The following CSMD1 variants were observed in gnomAD, a reference collection of about 807,000 sequenced individuals.
The protein encoded by CSMD1 is CUB and sushi domain-containing protein 1.
A neutral mutation model predicts 417.5 loss-of-function variants in CSMD1; 213 were observed. The ratio of observed to expected loss-of-function variants is 0.51; its 90% CI spans 0.46 to 0.57. CSMD1 has a LOEUF of 0.57. CSMD1 is among the 20% of genes least tolerant of loss of function. The pLI is 0.00. For synonymous variants in CSMD1, 2,862 were observed against 1,736.8 expected (o/e 1.65, Z -16.11); for missense variants, 6,923 against 4,529.7 (o/e 1.53, Z -15.17).
chr8:4,226,907 G>A (rs1168650277), intron 3 of CSMD1, among the ~76,000 whole-genome samples: 1 of 152,142 alleles, frequency 6.6e-6, no homozygotes, highest in Non-Finnish European at 1.5e-5. Flanking sequence ...AGGATTTTTT[G>A]TTGTTGTTGT....
At position 4,023,169 on chromosome 8, in the gene CSMD1, C is replaced by T. The variant is rs372804062; in HGVS notation, c.610+8736G>A. Among the ~76,000 whole-genome samples, 16 of 152,268 alleles carry T rather than the reference C, an allele frequency of 1.1e-4. 1 individual carries two copies. The East Asian group carries it at 1.9e-3, about 18-fold the overall frequency. On this transcript the variant is annotated intron_variant, in intron 4 of 69. Coordinates refer to ENST00000635120, the MANE Select transcript of CSMD1 (RefSeq NM_033225.6). ...CTGCCCATCACAACTCAAGTTCTTCCTTTTCACCCAGTGCAATGTTGCAGG... is the reference window on the plus strand; with the variant it reads ...CTGCCCATCACAACTCAAGTTCTTCTTTTTCACCCAGTGCAATGTTGCAGG...
intron 51 of CSMD1, among the ~76,000 whole-genome samples, chr8:3,020,588 T>C (rs1809283327): frequency 6.6e-6 from 1 of 152,178 alleles, no homozygotes; most frequent in South Asian, 2.1e-4. Context: ...TGTCCAGGCT[T>C]GTCTGGAACT....
At chr8:3,430,420 C>A (rs771846907) in intron 12 of CSMD1, among the ~76,000 whole-genome samples, 18 of 151,946 alleles carry the variant, frequency 1.2e-4, no homozygotes, top group Non-Finnish European at 2.2e-4. Flanking sequence ...TAATGCTGAA[C>A]AAATTGTCTG....
chr8:3,513,428 G>C (rs911877225), intron 10 of CSMD1, among the ~76,000 whole-genome samples: 1 of 151,346 alleles, frequency 6.6e-6, no homozygotes, highest in Non-Finnish European at 1.5e-5. Flanking sequence ...CCAGGATCAA[G>C]CATTCTCCCG....
intron 3 of CSMD1, among the ~76,000 whole-genome samples, chr8:4,118,520 T>C (rs1450497171): frequency 1.3e-5 from 2 of 151,352 alleles, no homozygotes; most frequent in African/African-American, 4.9e-5. Context: ...ACTAGAGAAA[T>C]GCAAACCAAA....
intron 1 of CSMD1, among the ~76,000 whole-genome samples, chr8:4,907,911 T>C (rs118072753): frequency 0.018 from 2,796 of 152,254 alleles, 44 homozygotes; most frequent in Middle Eastern, 0.027. Flanking sequence ...AAAATTGTGT[T>C]TCTTTTTGTG....
intron 2 of CSMD1, among the ~76,000 whole-genome samples, chr8:4,441,940 T>C (rs1352733297): frequency 2.0e-5 from 3 of 152,196 alleles, no homozygotes; most frequent in African/African-American, 4.8e-5. Context: ...TACATAACCA[T>C]TGTACTGAGA....
At chr8:3,420,444 G>GA (rs1813414885) in intron 12 of CSMD1, among the ~76,000 whole-genome samples, 1 of 150,922 alleles carries the variant, frequency 6.6e-6, no homozygotes, top group Admixed American at 6.7e-5. Context: ...AAAAGCCATG[G>GA]AAATCTGAAT....
chr8:3,461,522 C>T (rs1249585841), intron 12 of CSMD1, among the ~76,000 whole-genome samples: 6 of 152,164 alleles, frequency 3.9e-5, no homozygotes, highest in African/African-American at 7.2e-5. Context: ...CTCTGCTCCC[C>T]GATCTCTCAA....
At position 3,709,479 on chromosome 8, in the gene CSMD1, G is replaced by C. The variant is rs74839656; in HGVS notation, c.932-988C>G. On this transcript the variant is annotated intron_variant, in intron 6 of 69. Coordinates refer to ENST00000635120, the MANE Select transcript of CSMD1 (RefSeq NM_033225.6). ...CACAAGGTGCTCAGACATTGGGCCA[G>C]AGGAGATTCTGGGGGTGTCTGTGAG... 3.8e-3 allele frequency among the ~76,000 whole-genome samples: 582 copies of C among 152,140 alleles called. 7 individuals are homozygous for C. Among genetic ancestry groups the C allele is most frequent in the African/African-American group, 0.013 (545 of 41,524 alleles).
intron 8 of CSMD1, among the ~76,000 whole-genome samples, chr8:3,589,584 T>C (rs1337846935): frequency 1.3e-5 from 2 of 151,886 alleles, no homozygotes; most frequent in African/African-American, 4.8e-5. Context: ...AAAATAGAAC[T>C]CCCAGTAGCA....
intron 1 of CSMD1, among the ~76,000 whole-genome samples, chr8:4,723,212 C>T (rs1256815217): frequency 1.3e-5 from 2 of 152,088 alleles, no homozygotes; most frequent in African/African-American, 2.4e-5. Flanking sequence ...TAGAGTATAA[C>T]GTAGACGGCT....
In CSMD1 at chr8:4,137,779, C is replaced by A. The variant is rs1056850570; in HGVS notation, c.416-105680G>T. Reference sequence around the variant, plus strand: ...CTTTCCTAAATTTCTCAAGGAAAATCTAAGCCTTATAATCCAAATTAATTT... The same window carrying A: ...CTTTCCTAAATTTCTCAAGGAAAATATAAGCCTTATAATCCAAATTAATTT... On this transcript the variant is annotated intron_variant, in intron 3 of 69. Coordinates refer to ENST00000635120, the MANE Select transcript of CSMD1 (RefSeq NM_033225.6). 6.4e-5 allele frequency among the ~76,000 whole-genome samples: 5 copies of A among 77,524 alleles called. 1 individual carries two copies. Among genetic ancestry groups the A allele is most frequent in the African/African-American group, 1.5e-4 (5 of 33,918 alleles). 50.9% of individuals were successfully genotyped at this position (77,524 alleles called of 152,430 possible). A position where few individuals can be genotyped will look rare whatever the true frequency, so the allele number is the denominator to read the frequency against.
At chr8:4,440,363 A>T (rs1798397200) in intron 2 of CSMD1, among the ~76,000 whole-genome samples, 1 of 152,174 alleles carries the variant, frequency 6.6e-6, no homozygotes, top group Non-Finnish European at 1.5e-5. Flanking sequence ...ATATTTATGC[A>T]ATTATACAAT....
At chr8:4,212,223 AT>A (rs1291186309) in intron 3 of CSMD1, among the ~76,000 whole-genome samples, 1 of 150,756 alleles carries the variant, frequency 6.6e-6, no homozygotes, top group Non-Finnish European at 1.5e-5. Flanking sequence ...GTTTTAACTT[AT>A]TATACCTTAG....
intron 1 of CSMD1, among the ~76,000 whole-genome samples, chr8:4,965,323 A>G (rs1323190869): frequency 6.6e-6 from 1 of 152,228 alleles, no homozygotes; most frequent in Admixed American, 6.5e-5. Flanking sequence ...CTTTACATGT[A>G]TTACTTCAAT....
At chr8:3,714,449 A>T (rs1440956474) in intron 6 of CSMD1, among the ~76,000 whole-genome samples, 1 of 150,818 alleles carries the variant, frequency 6.6e-6, no homozygotes, top group Non-Finnish European at 1.5e-5. Flanking sequence ...TTGACCAGGC[A>T]TGGTGGTTCA....
chr8:3,568,689 A>G (rs1023248586), intron 10 of CSMD1, among the ~76,000 whole-genome samples: 1 of 152,128 alleles, frequency 6.6e-6, no homozygotes, highest in Non-Finnish European at 1.5e-5. Flanking sequence ...TATACTGTAT[A>G]TGTGTATATA....
intron 5 of CSMD1, among the ~76,000 whole-genome samples, chr8:3,758,879 T>C (rs187967723): frequency 8.5e-5 from 13 of 152,102 alleles, no homozygotes; most frequent in African/African-American, 2.9e-4. Flanking sequence ...ATGAAAAAGA[T>C]CCTTAAAGTG....
Sources: allele counts gnomAD v4.1 joint callset (sites outside exome capture counted in the v4.1 genomes callset), GRCh38; gene constraint gnomAD v4.1.1; transcripts MANE v1.5; gene names NCBI Gene and HGNC (gene_info 2026-07-23, HGNC 2026-07-21).